Variants in OOSP3 observed in about 807,000 individuals in gnomAD.
The protein encoded by OOSP3 is oocyte secreted protein family member 3.
At chr11:59,881,449 T>G (rs1213994295) in intron 2 of OOSP3, among the ~76,000 whole-genome samples, 2 of 152,288 alleles carry the variant, frequency 1.3e-5, no homozygotes, top group South Asian at 2.1e-4. Flanking sequence ...TTTGTTTTTC[T>G]CTGGTTTTAT....
chr11:59,883,436 T>C (rs1012246555), intron 2 of OOSP3, among the ~76,000 whole-genome samples: 8 of 152,210 alleles, frequency 5.3e-5, no homozygotes, highest in African/African-American at 1.9e-4. Flanking sequence ...GCAGGAATTC[T>C]TTTCACCACA....
At chr11:59,895,504 C>T (rs1853347520) in exon 4 of OOSP3, 2 of 398,154 alleles carry the variant, frequency 5.0e-6, no homozygotes, top group African/African-American at 4.1e-5. Context: ...ACTTTCAGCT[C>T]ATCTTTGGAT....
intron 1 of OOSP3, among the ~76,000 whole-genome samples, chr11:59,879,418 T>A (rs183685772): frequency 3.9e-5 from 6 of 152,178 alleles, no homozygotes; most frequent in African/African-American, 9.7e-5. Flanking sequence ...TTTACAGTAA[T>A]CTTTTCTCAT....
intron 2 of OOSP3, among the ~76,000 whole-genome samples, chr11:59,885,219 C>A (rs1176673151): frequency 6.6e-6 from 1 of 152,122 alleles, no homozygotes; most frequent in Non-Finnish European, 1.5e-5. Context: ...GGATAAATCC[C>A]ATTTAGTCAT....
chr11:59,888,084 A>G (rs1853278831), intron 2 of OOSP3, among the ~76,000 whole-genome samples: 1 of 152,092 alleles, frequency 6.6e-6, no homozygotes, highest in African/African-American at 2.4e-5. Flanking sequence ...GAGTTCATTT[A>G]TAATTTGGCT....
upstream of OOSP3, chr11:59,878,792 A>T (rs2134523176): frequency 2.5e-6 from 1 of 398,532 alleles, no homozygotes. Flanking sequence ...AGGGGTCATT[A>T]GTTGGCAGCT....
At chr11:59,896,317 A>T (rs1853357328) in exon 5 of OOSP3, 1 of 395,508 alleles carries the variant, frequency 2.5e-6, no homozygotes, top group Non-Finnish European at 4.5e-6. Flanking sequence ...CCACTTCCTG[A>T]GAGGACATTG....
chr11:59,894,041 A>C (rs1417685367), intron 2 of OOSP3, 38 bp from the exon 3 acceptor site: 10 of 398,266 alleles, frequency 2.5e-5, no homozygotes, highest in Non-Finnish European at 4.0e-5. Context: ...CTCCTGTGTG[A>C]CATGACATCA....
chr11:59,883,511 C>A (rs555430752), intron 2 of OOSP3, among the ~76,000 whole-genome samples: 3 of 152,232 alleles, frequency 2.0e-5, no homozygotes, highest in African/African-American at 7.2e-5. Flanking sequence ...CCTCCAACCT[C>A]CAAAGAAATC....
At chr11:59,895,125 T>G (rs1312478263) in intron 3 of OOSP3, among the ~76,000 whole-genome samples, 2 of 152,184 alleles carry the variant, frequency 1.3e-5, no homozygotes, top group Non-Finnish European at 2.9e-5. Flanking sequence ...ATCTTCAGGA[T>G]CAATGGATGA....
In OOSP3 at chr11:59,896,127, C is replaced by T. The variant is rs1015304149; in HGVS notation, c.502-6C>T. 7.5e-6 allele frequency: 3 copies of T among 398,238 alleles called. No homozygotes were observed. Among genetic ancestry groups the T allele is most frequent in the Non-Finnish European group, 1.3e-5 (3 of 225,924 alleles). The allele number at this position is 398,238 out of a possible 1,614,324, so 24.7% of individuals were successfully genotyped here. On this transcript the variant is annotated splice_polypyrimidine_tract_variant and splice_region_variant and intron_variant, in intron 4 of 4. Coordinates refer to ENST00000646438, the Ensembl canonical transcript of OOSP3. Reference sequence around the variant, plus strand: ...TTTATTAACTACCTTTCTTTTTTCTCTGTAGGTAGAGGCATCTCATCAGTC... The same window carrying T: ...TTTATTAACTACCTTTCTTTTTTCTTTGTAGGTAGAGGCATCTCATCAGTC...
At chr11:59,895,356 G>T in intron 3 of OOSP3, 146 bp from the exon 4 acceptor site, 1 of 343,444 alleles carries the variant, frequency 2.9e-6, no homozygotes, top group Non-Finnish European at 5.2e-6. Context: ...AAGGCAAGTA[G>T]AAGGCAGAGA....
chr11:59,889,087 G>A (rs2134529847), intron 2 of OOSP3, among the ~76,000 whole-genome samples: 1 of 152,102 alleles, frequency 6.6e-6, no homozygotes, highest in Admixed American at 6.5e-5. Context: ...AGTTTGAGGT[G>A]TTTATAGTAT....
chr11:59,891,209 G>A (rs140591635), intron 2 of OOSP3, among the ~76,000 whole-genome samples: 9 of 152,160 alleles, frequency 5.9e-5, no homozygotes, highest in Non-Finnish European at 1.0e-4. Flanking sequence ...TCTTTACATT[G>A]GGTTAGAACA....
intron 2 of OOSP3, among the ~76,000 whole-genome samples, chr11:59,893,761 G>A (rs1049992611): frequency 6.6e-6 from 1 of 152,090 alleles, no homozygotes; most frequent in Non-Finnish European, 1.5e-5. Context: ...CTGTGATAAT[G>A]TTTAAGAGCT....
chr11:59,892,403 G>A (rs1399254756), intron 2 of OOSP3, among the ~76,000 whole-genome samples: 1 of 151,970 alleles, frequency 6.6e-6, no homozygotes, highest in African/African-American at 2.4e-5. Context: ...TGGAAATGCA[G>A]AATTCACTCC....
At chr11:59,892,430 C>T (rs986050765) in intron 2 of OOSP3, among the ~76,000 whole-genome samples, 8 of 152,060 alleles carry the variant, frequency 5.3e-5, no homozygotes, top group Non-Finnish European at 7.3e-5. Context: ...ATTTCCATCT[C>T]GGCGGGAGCT....
At chr11:59,891,573 G>A (rs1853313028) in intron 2 of OOSP3, among the ~76,000 whole-genome samples, 1 of 152,140 alleles carries the variant, frequency 6.6e-6, no homozygotes. Flanking sequence ...GACTCTGTTT[G>A]CCTGGGTATC....
intron 2 of OOSP3, among the ~76,000 whole-genome samples, chr11:59,884,871 T>A (rs1406451935): frequency 6.6e-6 from 1 of 152,174 alleles, no homozygotes; most frequent in Non-Finnish European, 1.5e-5. Context: ...TGTTTTATCT[T>A]CTTGCCTAAT....
Sources: allele counts gnomAD v4.1 joint callset (sites outside exome capture counted in the v4.1 genomes callset), GRCh38; gene constraint gnomAD v4.1.1; transcripts MANE v1.5; gene names NCBI Gene and HGNC (gene_info 2026-07-23, HGNC 2026-07-21).